Variants in AUTS2 observed in about 807,000 individuals in gnomAD.
The protein encoded by AUTS2 is activator of transcription and developmental regulator AUTS2, also known as autism susceptibility gene 2 protein.
A neutral mutation model predicts 112.4 loss-of-function variants in AUTS2; 17 were observed. The ratio of observed to expected loss-of-function variants is 0.15; its 90% CI spans 0.10 to 0.23. The LOEUF (loss-of-function observed/expected upper bound fraction) is 0.23, where lower values mean the gene tolerates loss of function less well. Among genes scored for constraint, AUTS2 ranks in the 10% least tolerant of loss-of-function variants. The pLI, the probability that AUTS2 is intolerant of heterozygous loss-of-function variation, is 1.00. For missense variants in AUTS2, 1,510 were observed against 1,701.6 expected (o/e 0.89, Z 1.98); for synonymous variants, 751 against 702.7 (o/e 1.07, Z -1.09).
intron 5 of AUTS2, among the ~76,000 whole-genome samples, chr7:70,640,440 A>AAAAG (rs1805760507): frequency 6.6e-6 from 1 of 151,202 alleles, no homozygotes; most frequent in African/African-American, 2.4e-5. Flanking sequence ...AAAAAAAAAA[A>AAAAG]AACCATAAAA....
chr7:70,229,725 C>A (rs1811944929), intron 4 of AUTS2, among the ~76,000 whole-genome samples: 1 of 152,076 alleles, frequency 6.6e-6, no homozygotes, highest in Middle Eastern at 3.4e-3. Context: ...AGGTGTGCTA[C>A]AGGTCTGTTA....
intron 1 of AUTS2, among the ~76,000 whole-genome samples, chr7:69,736,451 T>G (rs575699410): frequency 1.3e-5 from 2 of 152,330 alleles, no homozygotes; most frequent in Admixed American, 1.3e-4. Context: ...TGGCCTAGAT[T>G]AATTGGGATA....
intron 1 of AUTS2, among the ~76,000 whole-genome samples, chr7:69,853,836 T>TA (rs1426302408): frequency 4.6e-5 from 7 of 151,902 alleles, no homozygotes; most frequent in African/African-American, 1.2e-4. Flanking sequence ...CTTTTAAAAT[T>TA]AAAAAAAATT....
At position 70,781,618 on chromosome 7, in the gene AUTS2, C is replaced by A. The variant is rs1490328774; in HGVS notation, c.2008C>A (p.Gln670Lys). Residue 670 changes from glutamine (Q) to lysine (K), a missense_variant, in exon 15 of 19, where the codon CAG (glutamine) becomes AAG (lysine). Gln to Lys is a moderately conservative substitution (Grantham distance 53). Coordinates refer to ENST00000342771, the MANE Select transcript of AUTS2 (RefSeq NM_015570.4). ...TACTGTTCCCCTTGCTGTGTAGAAA[C>A]AGATGCAGTCAGACCCACATAAGCT... Reference protein sequence around the residue: ...IYHHQQKVKKQMQSDPHKLDF... With the variant: ...IYHHQQKVKKKMQSDPHKLDF... 6.2e-7 allele frequency: 1 copy of A among 1,614,052 alleles called. No individual in the cohort carries two copies. Among genetic ancestry groups the A allele is most frequent in the Non-Finnish European group, 8.5e-7 (1 of 1,179,966 alleles).
chr7:69,819,540 G>A lies in AUTS2; in HGVS notation c.310-79746G>A, dbSNP rs148385812. On this transcript the variant is annotated intron_variant, in intron 1 of 18. Transcript: ENST00000342771. ...TCCTGTGAACTGATGACAGGTGTATGCTGAGCTGCCTGTGTAAACTATTGG... is the reference window on the plus strand; with the variant it reads ...TCCTGTGAACTGATGACAGGTGTATACTGAGCTGCCTGTGTAAACTATTGG... Among the ~76,000 whole-genome samples, 321 of 152,340 alleles carry A rather than the reference G, an allele frequency of 2.1e-3. 2 individuals are homozygous for A. Among genetic ancestry groups the A allele is most frequent in the African/African-American group, 7.6e-3 (314 of 41,586 alleles).
chr7:69,672,383 T>A (rs1796376796), intron 1 of AUTS2, among the ~76,000 whole-genome samples: 2 of 152,150 alleles, frequency 1.3e-5, no homozygotes, highest in Non-Finnish European at 2.9e-5. Context: ...TTGAGAAACT[T>A]TGTCAATGGA....
chr7:70,323,289 AAAGT>A (rs1790338745), intron 4 of AUTS2, among the ~76,000 whole-genome samples: 1 of 152,208 alleles, frequency 6.6e-6, no homozygotes, highest in African/African-American at 2.4e-5. Context: ...TGAGACAAGC[AAAGT>A]AAGTGGAAAG....
At chr7:70,757,807 CTT>C (rs3974412) in intron 6 of AUTS2, among the ~76,000 whole-genome samples, 1 of 60,526 alleles carries the variant, frequency 1.7e-5, no homozygotes, top group African/African-American at 6.3e-5. Context: ...TCCATGGCTT[CTT>C]TTTTTTTTTT....
intron 5 of AUTS2, among the ~76,000 whole-genome samples, chr7:70,530,373 C>G: frequency 6.6e-6 from 1 of 152,132 alleles, no homozygotes; most frequent in Non-Finnish European, 1.5e-5. Flanking sequence ...CAACATGGTA[C>G]TGGTGAATGT....
At chr7:70,521,801 C>T (rs535507200) in intron 5 of AUTS2, among the ~76,000 whole-genome samples, 14 of 152,104 alleles carry the variant, frequency 9.2e-5, no homozygotes, top group Admixed American at 2.0e-4. Flanking sequence ...TCCCTCCAAA[C>T]GGCCCATTTC....
intron 1 of AUTS2, among the ~76,000 whole-genome samples, chr7:69,688,789 C>T (rs1011280029): frequency 1.3e-5 from 2 of 152,132 alleles, no homozygotes; most frequent in Non-Finnish European, 2.9e-5. Flanking sequence ...CCCCACACCC[C>T]CTTGTTTATT....
intron 1 of AUTS2, among the ~76,000 whole-genome samples, chr7:69,600,376 G>C (rs1211173635): frequency 1.3e-5 from 2 of 151,168 alleles, no homozygotes; most frequent in Non-Finnish European, 2.9e-5. Flanking sequence ...GCCTGTGGAC[G>C]GTTCTGTGTG....
chr7:69,716,408 T>G (rs889252724), intron 1 of AUTS2, among the ~76,000 whole-genome samples: 1 of 151,974 alleles, frequency 6.6e-6, no homozygotes, highest in South Asian at 2.1e-4. Flanking sequence ...ATTAGACAAA[T>G]TAAGAGAAAT....
intron 3 of AUTS2, among the ~76,000 whole-genome samples, chr7:70,132,264 A>G (rs1233272739): frequency 6.6e-6 from 1 of 151,738 alleles, no homozygotes; most frequent in African/African-American, 2.4e-5. Context: ...GCTGAAACAA[A>G]TTCCAGTGGA....
At chr7:70,525,537 C>T (rs946075348) in intron 5 of AUTS2, among the ~76,000 whole-genome samples, 1 of 152,102 alleles carries the variant, frequency 6.6e-6, no homozygotes, top group African/African-American at 2.4e-5. Flanking sequence ...CTGATGTGCT[C>T]AAGATGACTT....
At chr7:70,134,510 A>C in intron 3 of AUTS2, 26 bp from the exon 4 acceptor site, 8 of 1,612,656 alleles carry the variant, frequency 5.0e-6, no homozygotes, top group Non-Finnish European at 6.8e-6. Flanking sequence ...CTGATTTTCC[A>C]CTTTTGTCTT....
chr7:70,416,732 C>T (rs910489837), intron 4 of AUTS2, among the ~76,000 whole-genome samples: 14 of 152,332 alleles, frequency 9.2e-5, no homozygotes, highest in East Asian at 1.9e-4. Context: ...GCGCCTGCTG[C>T]GGTCACGGTC....
At chr7:70,636,095 G>T (rs1037351461) in intron 5 of AUTS2, among the ~76,000 whole-genome samples, 4 of 152,206 alleles carry the variant, frequency 2.6e-5, no homozygotes, top group African/African-American at 9.6e-5. Context: ...CAGGTCTTCA[G>T]ACTCAAATTC....
At chr7:70,060,314 C>T in intron 2 of AUTS2, among the ~76,000 whole-genome samples, 1 of 152,164 alleles carries the variant, frequency 6.6e-6, no homozygotes, top group East Asian at 1.9e-4. Context: ...GAACAGGAAG[C>T]TGTGCTTCTC....
Sources: allele counts gnomAD v4.1 joint callset (sites outside exome capture counted in the v4.1 genomes callset), GRCh38; gene constraint gnomAD v4.1.1; transcripts MANE v1.5; gene names NCBI Gene and HGNC (gene_info 2026-07-23, HGNC 2026-07-21).